ADIG: variants seen among roughly 807,000 people sequenced by gnomAD.
ADIG encodes adipogenin, also known as adipogenesis associated.
In ADIG, 12 loss-of-function variants were observed where a neutral mutation model predicts 10.7. That is an observed-to-expected ratio of 1.12 (90% CI 0.72 to 1.82). The LOEUF (loss-of-function observed/expected upper bound fraction) is 1.82, where lower values mean the gene tolerates loss of function less well. Ranked by LOEUF, ADIG falls within the 40% of genes most tolerant of loss-of-function variation. The probability of loss-of-function intolerance (pLI) is 0.00; values close to 1 mark genes in which losing one functional copy is unlikely to be tolerated. For synonymous variants in ADIG, 32 were observed against 35.6 expected, an observed-to-expected ratio of 0.90 and a Z score of 0.36; for missense variants, 72 against 92.5, an observed-to-expected ratio of 0.78 and a Z score of 0.91.
chr20:38,581,513 A>G (rs1416069780), intron 1 of ADIG, 139 bp downstream of exon 1: 40 of 1,281,764 alleles, frequency 3.1e-5, no homozygotes, highest in South Asian at 1.8e-4. Flanking sequence ...CAAGCAGTCA[A>G]CTCTTAAGTG....
Position 38,588,354 on chromosome 20 carries a change from T to G in ADIG, c.*268T>G, listed in dbSNP as rs2088655357. 7.7e-7 allele frequency: 1 copy of G among 1,299,550 alleles called. No individual in the cohort carries two copies. The highest frequency in any genetic ancestry group is 1.0e-6 in the Non-Finnish European group (1 of 986,538). 80.5% of individuals were successfully genotyped at this position (1,299,550 alleles called of 1,614,324 possible). ...CAGTGAGCAGGCCCATGGGGAGAAA[T>G]TGGCCAATTTAATTCAGAGGGGTCT... On this transcript the variant is annotated 3_prime_UTR_variant, in exon 3 of 3. Coordinates refer to ENST00000537425, the MANE Select transcript of ADIG (RefSeq NM_001393816.1).
chr20:38,582,483 C>A (rs1329624597), intron 1 of ADIG, among the ~76,000 whole-genome samples: 1 of 152,198 alleles, frequency 6.6e-6, no homozygotes. Context: ...GAGGGCGCAG[C>A]ACATGCCGCC....
chr20:38,585,134 G>T (rs1419570150), intron 1 of ADIG, among the ~76,000 whole-genome samples: 6 of 152,210 alleles, frequency 3.9e-5, no homozygotes, highest in African/African-American at 1.4e-4. Flanking sequence ...GCTAAGTCCT[G>T]TGCTGAGTTT....
chr20:38,585,781 CTG>C, intron 1 of ADIG: 1 of 607,714 alleles, frequency 1.6e-6, no homozygotes, highest in Non-Finnish European at 2.9e-6. Context: ...TTGCTCACCT[CTG>C]TGTCCTCCCC....
At chr20:38,588,036 C>G (rs1011117229) in intron 2 of ADIG, 65 bp from the exon 3 acceptor site, 1 of 1,238,356 alleles carries the variant, frequency 8.1e-7, no homozygotes. Context: ...CCACGTCTGG[C>G]CTTACCCACC....
intron 1 of ADIG, 120 bp downstream of exon 1, chr20:38,581,494 G>C: frequency 1.4e-6 from 2 of 1,407,758 alleles, no homozygotes; most frequent in East Asian, 2.3e-5. Context: ...TTAAGTGCTC[G>C]CTTAGATACA....
Position 38,581,327 on chromosome 20 carries a change from G to A in ADIG, c.77G>A (p.Gly26Asp), listed in dbSNP as rs763684400. 1.1e-5 allele frequency: 17 copies of A among 1,613,992 alleles called. No individual in the cohort carries two copies. The East Asian group carries it at 3.3e-4, about 32-fold the overall frequency. ...FLVFWFCLPVGLLLLLIIWLR... is the reference protein window; with the variant it reads ...FLVFWFCLPVDLLLLLIIWLR... ...GTTTTCTGGTTCTGCCTCCCTGTGG[G>A]TTTGCTGTTGTTATTGATCATCTGG... The change falls in exon 1 of 3, where the codon GGT becomes GAT. Residue 26 changes from glycine to aspartate, a missense_variant. Gly to Asp is a moderately conservative substitution (Grantham distance 94). Coordinates refer to ENST00000537425, the MANE Select transcript of ADIG (RefSeq NM_001393816.1).
Position 38,581,447 on chromosome 20 carries a change from C to G in ADIG, c.124+73C>G. 6 of 1,590,972 alleles carry G rather than the reference C, an allele frequency of 3.8e-6. No homozygotes were observed. The East Asian group carries it at 6.7e-5, about 18-fold the overall frequency. On this transcript the variant is annotated intron_variant, in intron 1 of 2. Coordinates refer to ENST00000537425, the MANE Select transcript of ADIG (RefSeq NM_001393816.1). ...CAGGGGGCCAAATAGGCCAGTGTGT[C>G]CTGAAACAACTGCAGAAGGGGCTTC... is the stretch of plus-strand genomic sequence containing the variant.
intron 1 of ADIG, 146 bp from the exon 2 acceptor site, chr20:38,585,883 T>C: frequency 1.3e-6 from 1 of 780,070 alleles, no homozygotes; most frequent in Non-Finnish European, 2.0e-6. Context: ...TCCTGAGGCC[T>C]CAAGGCTGGC....
intron 1 of ADIG, among the ~76,000 whole-genome samples, chr20:38,583,141 C>T (rs1025239074): frequency 6.6e-6 from 1 of 152,180 alleles, no homozygotes; most frequent in Non-Finnish European, 1.5e-5. Context: ...TTAATAGTTC[C>T]TAATAATAGT....
chr20:38,586,066 G>T lies in ADIG; in HGVS notation c.162G>T (p.Trp54Cys). Residue 54 changes from tryptophan to cysteine, a missense_variant, in exon 2 of 3, where the codon TGG becomes TGT. Transcript: ENST00000537425. Reference protein sequence around the residue: ...EENDSSVCLDWEPWSKGPAEF... With the variant: ...EENDSSVCLDCEPWSKGPAEF... The stretch of plus-strand genomic sequence containing the variant: ...ATGACTCCAGTGTGTGCTTGGATTG[G>T]GAGCCCTGGAGCAAAGGCCCAGCTG... The T allele has an allele frequency of 6.2e-7, 1 of 1,610,724 alleles. No homozygotes were observed. The highest frequency in any genetic ancestry group is 8.5e-7 in the Non-Finnish European group (1 of 1,178,604).
chr20:38,582,400 G>A (rs986902669), intron 1 of ADIG, among the ~76,000 whole-genome samples: 3 of 152,142 alleles, frequency 2.0e-5, no homozygotes, highest in African/African-American at 4.8e-5. Flanking sequence ...TCAAAAAAAG[G>A]CCTCTTCGTG....
intron 2 of ADIG, among the ~76,000 whole-genome samples, chr20:38,586,647 T>C (rs1376305751): frequency 6.6e-6 from 1 of 152,200 alleles, no homozygotes; most frequent in African/African-American, 2.4e-5. Flanking sequence ...TGATCGTGGC[T>C]GCATCCAAAG....
chr20:38,586,889 T>G (rs2088642467), intron 2 of ADIG, among the ~76,000 whole-genome samples: 1 of 146,542 alleles, frequency 6.8e-6, no homozygotes, highest in South Asian at 2.1e-4. Flanking sequence ...TCATGTGAGG[T>G]GTCAGGGCAA....
Position 38,588,266 on chromosome 20 carries a change from T to C in ADIG, c.*180T>C. ...AAGCCTCCAGAGGTCCCAGCCCTTC[T>C]CCAGCATCACAGATGACCTCCAGCC... On this transcript the variant is annotated 3_prime_UTR_variant, in exon 3 of 3. Coordinates refer to ENST00000537425, the MANE Select transcript of ADIG (RefSeq NM_001393816.1). 7.7e-7 allele frequency: 1 copy of C among 1,304,266 alleles called. No homozygotes were observed. Among genetic ancestry groups the C allele is most frequent in the Non-Finnish European group, 1.0e-6 (1 of 988,958 alleles). The allele number at this position is 1,304,266 out of a possible 1,614,324, so 80.8% of individuals were successfully genotyped here.
chr20:38,588,390 C>G lies in ADIG; in HGVS notation c.*304C>G. ...AATTCAGAGGGGTCTTAAAGCAGGG[C>G]TGGGCCGGAGGGTGTGGGTCCATAT... On this transcript the variant is annotated 3_prime_UTR_variant, in exon 3 of 3. Transcript: ENST00000537425. 2 of 1,270,504 alleles carry G rather than the reference C, an allele frequency of 1.6e-6. No homozygotes were observed. The highest frequency in any genetic ancestry group is 2.1e-6 in the Non-Finnish European group (2 of 972,322). 78.7% of individuals were successfully genotyped at this position (1,270,504 alleles called of 1,614,324 possible). A position where few individuals can be genotyped will look rare whatever the true frequency, so the allele number is the denominator to read the frequency against.
chr20:38,582,057 G>A (rs1314126375), intron 1 of ADIG, among the ~76,000 whole-genome samples: 1 of 152,100 alleles, frequency 6.6e-6, no homozygotes, highest in Non-Finnish European at 1.5e-5. Context: ...CTGGCTGTGT[G>A]GCAGGAGTGG....
intron 1 of ADIG, among the ~76,000 whole-genome samples, chr20:38,583,231 T>C (rs1444793652): frequency 1.3e-5 from 2 of 152,234 alleles, no homozygotes; most frequent in Non-Finnish European, 2.9e-5. Flanking sequence ...ATCCTCATAA[T>C]AACCCTGCTT....
intron 1 of ADIG, chr20:38,585,322 A>G: frequency 8.4e-7 from 1 of 1,195,004 alleles, no homozygotes; most frequent in Non-Finnish European, 1.2e-6. Flanking sequence ...GTCTGTTAGC[A>G]AACTCATTAA....
Sources: allele counts gnomAD v4.1 joint callset (sites outside exome capture counted in the v4.1 genomes callset), GRCh38; gene constraint gnomAD v4.1.1; transcripts MANE v1.5; gene names NCBI Gene and HGNC (gene_info 2026-07-23, HGNC 2026-07-21).